The following SLC24A2 variants were observed in gnomAD, a reference collection of about 807,000 sequenced individuals.
SLC24A2 encodes solute carrier family 24 member 2, also known as sodium/potassium/calcium exchanger 2.
SLC24A2 carries 36 observed loss-of-function variants against 62.0 expected under a neutral mutation model. The observed-to-expected ratio is 0.58, with a 90% CI of 0.44 to 0.77. The LOEUF (loss-of-function observed/expected upper bound fraction) is 0.77. SLC24A2 is among the 30% of genes least tolerant of loss of function. The probability of loss-of-function intolerance (pLI) is 0.00; values close to 1 mark genes in which losing one functional copy is unlikely to be tolerated. For missense variants in SLC24A2, 846 were observed against 817.9 expected (o/e 1.03, Z -0.42); for synonymous variants, 358 against 294.0 (o/e 1.22, Z -2.23).
chr9:19,516,164 CGG>C lies in SLC24A2; in HGVS notation c.1973_1974del (p.Pro658ArgfsTer30). ...VLLEDRILTC[P>X]VSI The stretch of plus-strand genomic sequence containing the variant: ...TATGGCTTTTCCTGCTAGATGGAGA[CGG>C]GGCATGTAAGAATTCTGTCTTCTAG... On this transcript the variant is annotated frameshift_variant, in exon 11 of 11. Transcript: ENST00000341998. LOFTEE classifies it high-confidence loss of function. The C allele has an allele frequency of 6.2e-7, 1 of 1,614,036 alleles. No individual in the cohort carries two copies. Among genetic ancestry groups the C allele is most frequent in the Non-Finnish European group, 8.5e-7 (1 of 1,179,994 alleles).
the SLC24A2 span, among the ~76,000 whole-genome samples, chr9:20,091,376 T>C: frequency 2.6e-5 from 4 of 152,228 alleles, no homozygotes; most frequent in East Asian, 7.7e-4. Flanking sequence ...AGATTCTATA[T>C]AAGAAGATCA....
intron 4 of SLC24A2, among the ~76,000 whole-genome samples, chr9:19,604,653 A>C (rs1424787245): frequency 6.6e-6 from 1 of 152,174 alleles, no homozygotes; most frequent in Non-Finnish European, 1.5e-5. Flanking sequence ...CAAACAAAAA[A>C]ACTCCAGCCA....
At chr9:19,987,173 G>A in the SLC24A2 span, among the ~76,000 whole-genome samples, 1 of 152,038 alleles carries the variant, frequency 6.6e-6, no homozygotes, top group Non-Finnish European at 1.5e-5. Flanking sequence ...TGGAGTGTGG[G>A]GGACAACGAG....
the SLC24A2 span, among the ~76,000 whole-genome samples, chr9:20,025,019 G>C: frequency 6.6e-6 from 1 of 152,202 alleles, no homozygotes; most frequent in East Asian, 1.9e-4. Flanking sequence ...TTTGATCTCA[G>C]CCTATTGTAA....
chr9:20,029,296 C>T, the SLC24A2 span, among the ~76,000 whole-genome samples: 1 of 152,222 alleles, frequency 6.6e-6, no homozygotes, highest in African/African-American at 2.4e-5. Flanking sequence ...AGCTGTGTGT[C>T]ACCCTTGGCA....
At chr9:20,257,386 A>T in the SLC24A2 span, among the ~76,000 whole-genome samples, 1 of 152,358 alleles carries the variant, frequency 6.6e-6, no homozygotes, top group South Asian at 2.1e-4. Flanking sequence ...TCAAATTGTA[A>T]GTCCTGGTGC....
the SLC24A2 span, among the ~76,000 whole-genome samples, chr9:20,068,293 A>G: frequency 6.6e-6 from 1 of 151,844 alleles, no homozygotes; most frequent in Non-Finnish European, 1.5e-5. Flanking sequence ...TGAACTCCTG[A>G]CCTCGTAATC....
the SLC24A2 span, among the ~76,000 whole-genome samples, chr9:19,818,532 A>C: frequency 1.3e-5 from 2 of 152,168 alleles, no homozygotes; most frequent in African/African-American, 4.8e-5. Context: ...AATGTACACA[A>C]ATCAGTAGCT....
the SLC24A2 span, among the ~76,000 whole-genome samples, chr9:20,127,123 G>C: frequency 7.4e-5 from 11 of 147,870 alleles, no homozygotes; most frequent in South Asian, 4.3e-4. Context: ...TTTTTGCTTT[G>C]TCCACATTTT....
the SLC24A2 span, among the ~76,000 whole-genome samples, chr9:19,982,772 C>T: frequency 6.6e-6 from 1 of 152,112 alleles, no homozygotes; most frequent in Middle Eastern, 3.4e-3. Flanking sequence ...AGTGAAAATC[C>T]TGAACAAAAT....
the SLC24A2 span, among the ~76,000 whole-genome samples, chr9:20,275,593 T>G: frequency 2.0e-5 from 3 of 152,188 alleles, no homozygotes; most frequent in African/African-American, 7.2e-5. Flanking sequence ...TGTCTCTATA[T>G]CCAGGGCAAG....
chr9:19,913,778 A>G, the SLC24A2 span, among the ~76,000 whole-genome samples: 52 of 152,232 alleles, frequency 3.4e-4, no homozygotes, highest in Non-Finnish European at 1.5e-5. Context: ...ATGACTCCAC[A>G]AATCTACATT....
the SLC24A2 span, among the ~76,000 whole-genome samples, chr9:20,284,737 G>C: frequency 6.6e-6 from 1 of 152,070 alleles, no homozygotes; most frequent in South Asian, 2.1e-4. Context: ...TTCAATCCTG[G>C]ATTTCAAGGA....
chr9:19,993,491 C>T, the SLC24A2 span, among the ~76,000 whole-genome samples: 2 of 152,210 alleles, frequency 1.3e-5, no homozygotes, highest in African/African-American at 4.8e-5. Context: ...CTCACTTTTC[C>T]TCTGAGCAGC....
At chr9:20,260,345 A>C in the SLC24A2 span, among the ~76,000 whole-genome samples, 3 of 152,260 alleles carry the variant, frequency 2.0e-5, no homozygotes, top group Non-Finnish European at 4.4e-5. Flanking sequence ...ACCCAGTCTC[A>C]GGTATTCTGA....
chr9:19,629,064 G>A (rs987874168), intron 2 of SLC24A2, among the ~76,000 whole-genome samples: 4 of 152,042 alleles, frequency 2.6e-5, no homozygotes, highest in Non-Finnish European at 5.9e-5. Flanking sequence ...ATATCTCATC[G>A]AATCCTCACA....
chr9:19,710,124 G>A (rs180726338), intron 2 of SLC24A2, among the ~76,000 whole-genome samples: 2 of 152,034 alleles, frequency 1.3e-5, no homozygotes, highest in Non-Finnish European at 2.9e-5. Context: ...GATTGGAGAG[G>A]GGCCTCTTTA....
At chr9:19,807,651 A>T in the SLC24A2 span, among the ~76,000 whole-genome samples, 1 of 152,218 alleles carries the variant, frequency 6.6e-6, no homozygotes, top group African/African-American at 2.4e-5. Flanking sequence ...AATTGGAGGA[A>T]GTCTGTCATT....
chr9:20,074,412 T>C, the SLC24A2 span, among the ~76,000 whole-genome samples: 3 of 151,976 alleles, frequency 2.0e-5, no homozygotes, highest in African/African-American at 7.2e-5. Flanking sequence ...CCTTGCCACT[T>C]AACCATGGAG....
Sources: gnomAD v4.1 joint callset for allele counts (sites outside exome capture counted in the v4.1 genomes callset) on GRCh38, gnomAD v4.1.1 for gene constraint, MANE v1.5 for transcripts, NCBI Gene and HGNC (gene_info 2026-07-23, HGNC 2026-07-21) for gene names.